Variants in CCDC85A observed in about 807,000 individuals in gnomAD.
The protein encoded by CCDC85A is coiled-coil domain-containing protein 85A.
In CCDC85A, 38 loss-of-function variants were observed where a neutral mutation model predicts 50.2. The observed-to-expected ratio is 0.76, with a 90% CI of 0.58 to 0.99. The LOEUF (loss-of-function observed/expected upper bound fraction) is 0.99. Among genes scored for constraint, CCDC85A ranks in the 50% least tolerant of loss-of-function variants. CCDC85A has a pLI of 0.00. For synonymous variants in CCDC85A, 366 were observed against 301.4 expected, an observed-to-expected ratio of 1.21 and a Z score of -2.22; for missense variants, 820 against 742.0, an observed-to-expected ratio of 1.11 and a Z score of -1.22.
Position 56,193,367 on chromosome 2 carries a change from G to C in CCDC85A, c.1167G>C (p.Arg389Ser). The change falls in exon 2 of 6, where the codon AGG (arginine) becomes AGC (serine). Residue 389 changes from arginine to serine, a missense_variant. Physicochemically the swap from Arg to Ser is moderately radical, Grantham distance 110. Coordinates refer to ENST00000407595, the MANE Select transcript of CCDC85A (RefSeq NM_001080433.2). Reference protein sequence around the residue: ...GGSGGSGGGSREGTLRRQAQE... With the variant: ...GGSGGSGGGSSEGTLRRQAQE... Reference sequence around the variant, plus strand: ...GTGGAGGCAGCGGCGGAGGCAGCAGGGAGGGCACCCTCAGACGGCAGGCAC... The same window carrying C: ...GTGGAGGCAGCGGCGGAGGCAGCAGCGAGGGCACCCTCAGACGGCAGGCAC... 6.2e-7 allele frequency: 1 copy of C among 1,611,572 alleles called. No individual in the cohort carries two copies. Among genetic ancestry groups the C allele is most frequent in the Non-Finnish European group, 8.5e-7 (1 of 1,178,814 alleles).
chr2:56,289,994 G>T (rs965324160), intron 2 of CCDC85A, among the ~76,000 whole-genome samples: 4 of 152,130 alleles, frequency 2.6e-5, no homozygotes, highest in Non-Finnish European at 5.9e-5. Context: ...GGGTCGAGGT[G>T]GTGATTGTCC....
At chr2:56,293,755 A>G (rs186238161) in intron 2 of CCDC85A, among the ~76,000 whole-genome samples, 1 of 152,248 alleles carries the variant, frequency 6.6e-6, no homozygotes, top group Admixed American at 6.5e-5. Context: ...CCACAATGAG[A>G]TACCATCTCA....
At chr2:56,324,006 T>C (rs574394419) in intron 2 of CCDC85A, among the ~76,000 whole-genome samples, 48 of 152,144 alleles carry the variant, frequency 3.2e-4, no homozygotes, top group Non-Finnish European at 5.7e-4. Context: ...GTAGGAGGTG[T>C]CCATCATTTT....
intron 2 of CCDC85A, among the ~76,000 whole-genome samples, chr2:56,259,472 A>G (rs1670130961): frequency 6.6e-6 from 1 of 152,148 alleles, no homozygotes; most frequent in Non-Finnish European, 1.5e-5. Flanking sequence ...AGGACAAGGA[A>G]TGTGCCCACT....
At chr2:56,320,282 T>C (rs1673114168) in intron 2 of CCDC85A, among the ~76,000 whole-genome samples, 1 of 151,618 alleles carries the variant, frequency 6.6e-6, no homozygotes, top group Admixed American at 6.6e-5. Flanking sequence ...AAGACATAAC[T>C]AAGATCAGAG....
chr2:56,288,951 C>G (rs913533489), intron 2 of CCDC85A, among the ~76,000 whole-genome samples: 1 of 152,154 alleles, frequency 6.6e-6, no homozygotes, highest in South Asian at 2.1e-4. Context: ...CCTTATGACC[C>G]TTTAGTTGCT....
chr2:56,265,493 T>C (rs1348334457), intron 2 of CCDC85A, among the ~76,000 whole-genome samples: 1 of 151,904 alleles, frequency 6.6e-6, no homozygotes, highest in East Asian at 1.9e-4. Flanking sequence ...AGGACCTGAG[T>C]AGATATTTCT....
At chr2:56,256,996 G>A (rs1227504620) in intron 2 of CCDC85A, among the ~76,000 whole-genome samples, 1 of 152,052 alleles carries the variant, frequency 6.6e-6, no homozygotes, top group African/African-American at 2.4e-5. Flanking sequence ...GTTTATAGGG[G>A]GAACATTCAA....
chr2:56,244,017 A>G (rs1290376184), intron 2 of CCDC85A, among the ~76,000 whole-genome samples: 1 of 152,048 alleles, frequency 6.6e-6, no homozygotes, highest in Non-Finnish European at 1.5e-5. Flanking sequence ...TTCTTTCTTT[A>G]CTAAAGCCAG....
chr2:56,214,208 G>A (rs1207303855), intron 2 of CCDC85A, among the ~76,000 whole-genome samples: 1 of 151,954 alleles, frequency 6.6e-6, no homozygotes, highest in Non-Finnish European at 1.5e-5. Context: ...CATTGGACAA[G>A]TTATATAACC....
chr2:56,205,983 G>A (rs909464387), intron 2 of CCDC85A, among the ~76,000 whole-genome samples: 2 of 152,132 alleles, frequency 1.3e-5, no homozygotes, highest in African/African-American at 4.8e-5. Context: ...TTAAGGAATG[G>A]TTGAATTTAG....
intron 2 of CCDC85A, among the ~76,000 whole-genome samples, chr2:56,224,323 T>C (rs1178435988): frequency 6.6e-6 from 1 of 152,260 alleles, no homozygotes; most frequent in Non-Finnish European, 1.5e-5. Context: ...GGGACTAATA[T>C]ATTGTATGCA....
chr2:56,291,858 A>G (rs2104148566), intron 2 of CCDC85A, among the ~76,000 whole-genome samples: 2 of 149,398 alleles, frequency 1.3e-5, no homozygotes, highest in Middle Eastern at 7.0e-3. Flanking sequence ...TGACTCCTGA[A>G]GGGAGAATTG....
At chr2:56,346,503 A>T (rs1027741493) in intron 3 of CCDC85A, among the ~76,000 whole-genome samples, 8 of 152,192 alleles carry the variant, frequency 5.3e-5, no homozygotes, top group African/African-American at 1.9e-4. Context: ...CTGTACAGCC[A>T]CCGTGGCAAG....
chr2:56,189,297 G>GTTTTTTTTTTTTTTTTTTTTTTTTTTTTT (rs70955011), intron 1 of CCDC85A, among the ~76,000 whole-genome samples: 2 of 121,970 alleles, frequency 1.6e-5, no homozygotes, highest in African/African-American at 6.8e-5. Context: ...TATTTTTGGT[G>GTTTTTTTTTTTTTTTTTTTTTTTTTTTTT]TTTTTTTTTT....
chr2:56,218,563 C>A (rs1292838760), intron 2 of CCDC85A, among the ~76,000 whole-genome samples: 1 of 151,976 alleles, frequency 6.6e-6, no homozygotes, highest in East Asian at 1.9e-4. Flanking sequence ...GTAATAATCA[C>A]CAACTTTATA....
chr2:56,221,455 G>A (rs191376982), intron 2 of CCDC85A, among the ~76,000 whole-genome samples: 1 of 151,756 alleles, frequency 6.6e-6, no homozygotes, highest in African/African-American at 2.4e-5. Flanking sequence ...TGTTATGTTT[G>A]CACACTTGTC....
intron 2 of CCDC85A, among the ~76,000 whole-genome samples, chr2:56,233,328 A>G (rs1460191293): frequency 6.6e-6 from 1 of 152,210 alleles, no homozygotes; most frequent in African/African-American, 2.4e-5. Flanking sequence ...AGCTTGTTCC[A>G]TAATGATGAG....
intron 2 of CCDC85A, among the ~76,000 whole-genome samples, chr2:56,212,389 T>C (rs1677213802): frequency 6.6e-6 from 1 of 151,446 alleles, no homozygotes; most frequent in Non-Finnish European, 1.5e-5. Flanking sequence ...GGCCAACTGA[T>C]TGAAGCCCAT....
Sources: allele counts gnomAD v4.1 joint callset (sites outside exome capture counted in the v4.1 genomes callset), GRCh38; gene constraint gnomAD v4.1.1; transcripts MANE v1.5; gene names NCBI Gene and HGNC (gene_info 2026-07-23, HGNC 2026-07-21).